TEKT4: variants seen among roughly 807,000 people sequenced by gnomAD.
TEKT4 encodes the protein tektin-4.
A neutral mutation model predicts 46.0 loss-of-function variants in TEKT4; 46 were observed. The ratio of observed to expected loss-of-function variants is 1.00; its 90% confidence interval spans 0.79 to 1.28. TEKT4 has a LOEUF of 1.28. Among genes scored for constraint, TEKT4 ranks in the 50% most tolerant of loss-of-function variants. The probability of loss-of-function intolerance (pLI) is 0.00; values close to 1 mark genes in which losing one functional copy is unlikely to be tolerated. For synonymous variants in TEKT4, 325 were observed against 265.8 expected, an observed-to-expected ratio of 1.22 and a Z score of -2.17; for missense variants, 790 against 622.9, an observed-to-expected ratio of 1.27 and a Z score of -2.85.
In TEKT4 at chr2:94,874,150, C is replaced by A. The variant is rs1680715484; in HGVS notation, c.713+42C>A. On this transcript the variant is annotated intron_variant, in intron 3 of 5. Transcript: ENST00000295201. ...CCCCTGCACTTGCCCTGGCTGTGGT[C>A]TCGCCTCCCTCTGCCTGGGGGCCCC... 3 of 1,594,884 alleles carry A rather than the reference C, an allele frequency of 1.9e-6. No individual in the cohort carries two copies. In the South Asian group the frequency reaches 3.3e-5, roughly 18 times the overall value.
chr2:94,876,439 G>C, intron 5 of TEKT4, 114 bp from the exon 6 acceptor site: 1 of 840,020 alleles, frequency 1.2e-6, no homozygotes, highest in South Asian at 1.7e-5. Flanking sequence ...CTTTCATGGA[G>C]TCTTCCCAGG....
At position 94,871,603 on chromosome 2, in the gene TEKT4, C is replaced by A. The variant is rs781808387; in HGVS notation, c.24C>A (p.Cys8Ter). The A allele has an allele frequency of 6.2e-7, 1 of 1,609,352 alleles. No homozygotes were observed. Among genetic ancestry groups the A allele is most frequent in the Non-Finnish European group, 8.5e-7 (1 of 1,178,322 alleles). The change falls in exon 1 of 6, where the codon TGC becomes TGA. Residue 8 changes from cysteine to a stop codon, truncating the protein, a stop_gained. Transcript: ENST00000295201. LOFTEE classifies it high-confidence loss of function. ...CCATGGCGCAGACAGTGCCGCCCTG[C>A]GAGCTGCCCTGCAAAGAGTACGACG... MAQTVPP[C>*]ELPCKEYDVA... is the part of the protein sequence containing the mutation.
In TEKT4 at chr2:94,871,880, TG is replaced by T; in HGVS notation, c.303del (p.Trp101Ter). The T allele has an allele frequency of 6.3e-7, 1 of 1,598,074 alleles. No individual in the cohort carries two copies. Among genetic ancestry groups the T allele is most frequent in the East Asian group, 2.2e-5 (1 of 44,560 alleles). ...CGAGCGACTGCAGGACACGCACAGC[TG>T]GAAGTCGGAGCTGCAGCGTGAGATG... Reference protein sequence around the residue: ...VGERLQDTHSWKSELQREMEA... With the variant: ...VGERLQDTHSXKSELQREMEA... On this transcript the variant is annotated frameshift_variant, in exon 1 of 6. Transcript: ENST00000295201. LOFTEE classifies it high-confidence loss of function.
At position 94,874,101 on chromosome 2, in the gene TEKT4, C is replaced by G. The variant is rs781842707; in HGVS notation, c.706C>G (p.Gln236Glu). Residue 236 changes from glutamine to glutamate, a missense_variant, in exon 3 of 6, where the codon CAA becomes GAA. By Grantham distance (29) the Gln-to-Glu change is conservative (BLOSUM62 2). Coordinates refer to ENST00000295201, the MANE Select transcript of TEKT4 (RefSeq NM_144705.4). Reference sequence around the variant, plus strand: ...GGCTCATCCGTACTCCACCACCTTCCAAGAGAGGTGGGCCCCAGCTCTGCC... The same window carrying G: ...GGCTCATCCGTACTCCACCACCTTCGAAGAGAGGTGGGCCCCAGCTCTGCC... ...VQAHPYSTTF[Q>E]ESASTPETRA... The G allele has an allele frequency of 1.2e-6, 2 of 1,613,452 alleles. No homozygotes were observed. Among genetic ancestry groups the G allele is most frequent in the Non-Finnish European group, 1.7e-6 (2 of 1,179,880 alleles).
chr2:94,871,809 A>G lies in TEKT4; in HGVS notation c.230A>G (p.Gln77Arg), dbSNP rs2104094823. 1 of 1,609,360 alleles carries G rather than the reference A, an allele frequency of 6.2e-7. No homozygotes were observed. The highest frequency in any genetic ancestry group is 8.5e-7 in the Non-Finnish European group (1 of 1,177,898). ...HESQQLATETQALAQRTQQDS... is the reference protein window; with the variant it reads ...HESQQLATETRALAQRTQQDS... ...AGCCAGCAGCTGGCCACAGAGACCC[A>G]GGCGCTGGCGCAGCGCACGCAGCAA... Residue 77 changes from glutamine to arginine, a missense_variant, in exon 1 of 6, where the codon CAG (glutamine) becomes CGG (arginine). Physicochemically the swap from Gln to Arg is conservative, Grantham distance 43. Coordinates refer to ENST00000295201, the MANE Select transcript of TEKT4 (RefSeq NM_144705.4).
At chr2:94,875,023 C>T (rs782305183) in intron 4 of TEKT4, 25 bp downstream of exon 4, 14 of 1,560,866 alleles carry the variant, frequency 9.0e-6, no homozygotes, top group South Asian at 6.0e-5. Flanking sequence ...ACCCCGAAGA[C>T]GGCCCCCTCT....
intron 1 of TEKT4, chr2:94,873,209 G>A (rs1280977822): frequency 1.4e-5 from 18 of 1,266,434 alleles, no homozygotes; most frequent in East Asian, 4.3e-5. Flanking sequence ...GCAGGCCAAC[G>A]TTCCCAGGTG....
At chr2:94,874,261 G>A (rs782789534) in intron 3 of TEKT4, among the ~76,000 whole-genome samples, 153 bp downstream of exon 3, 4 of 152,194 alleles carry the variant, frequency 2.6e-5, no homozygotes, top group South Asian at 4.1e-4. Context: ...ATGAGCAAGC[G>A]ACCAAGACCT....
At position 94,873,585 on chromosome 2, in the gene TEKT4, G is replaced by A; in HGVS notation, c.564G>A (p.Gln188=). ...GAACCATCATGCAAGCAGTGAGCCA[G>A]ATCCGGTGGGTAGAGGGCTGCCCAA... ...LKRTIMQAVS[Q]IRLNREHKET... Residue 188 remains glutamine (Q), a synonymous_variant, in exon 2 of 6, where the codon CAG becomes CAA. Coordinates refer to ENST00000295201, the MANE Select transcript of TEKT4 (RefSeq NM_144705.4). 6.2e-7 allele frequency: 1 copy of A among 1,613,494 alleles called. No homozygotes were observed. The highest frequency in any genetic ancestry group is 8.5e-7 in the Non-Finnish European group (1 of 1,179,994).
intron 1 of TEKT4, chr2:94,872,772 C>T: frequency 8.0e-7 from 1 of 1,256,542 alleles, no homozygotes; most frequent in Non-Finnish European, 1.0e-6. Flanking sequence ...TTGAGTCCCT[C>T]CCTCCCCTCA....
intron 2 of TEKT4, among the ~76,000 whole-genome samples, 167 bp from the exon 3 acceptor site, chr2:94,873,798 A>G (rs1353689557): frequency 6.6e-6 from 1 of 152,146 alleles, no homozygotes; most frequent in African/African-American, 2.4e-5. Context: ...GCAGCCTCCC[A>G]GCCTGGGCCG....
At position 94,876,565 on chromosome 2, in the gene TEKT4, G is replaced by A. The variant is rs1553396642; in HGVS notation, c.1104G>A (p.Glu368=). 6.2e-7 allele frequency: 1 copy of A among 1,608,058 alleles called. No homozygotes were observed. Among genetic ancestry groups the A allele is most frequent in the Non-Finnish European group, 8.5e-7 (1 of 1,178,204 alleles). Residue 368 remains glutamate (E), a synonymous_variant, in exon 6 of 6, where the codon GAG becomes GAA. Transcript: ENST00000295201. ...RDAAQFRLLS[E]VEELNMSLTA... is the part of the protein sequence containing the mutation. ...CCAACACCCCCAGGCTGTTGAGTGA[G>A]GTGGAGGAGCTGAACATGTCCCTCA...
chr2:94,874,462 G>A (rs1466913834), intron 3 of TEKT4, among the ~76,000 whole-genome samples: 2 of 151,890 alleles, frequency 1.3e-5, no homozygotes, highest in Non-Finnish European at 2.9e-5. Context: ...CTAGGGAAGG[G>A]GGGCTGCGGG....
At chr2:94,873,108 G>C (rs541216895) in intron 1 of TEKT4, 2 of 1,241,064 alleles carry the variant, frequency 1.6e-6, no homozygotes, top group Admixed American at 5.4e-5. Flanking sequence ...TGTGAAGATG[G>C]CCTTTCCCAG....
In TEKT4 at chr2:94,871,528, G is replaced by T; in HGVS notation, c.-52G>T. 6.6e-7 allele frequency: 1 copy of T among 1,510,208 alleles called. No homozygotes were observed. The allele number at this position is 1,510,208 out of a possible 1,614,324, so 93.6% of individuals were successfully genotyped here. A position where few individuals can be genotyped will look rare whatever the true frequency, so the allele number is the denominator to read the frequency against. ...TGACCGCACTAGGCTGACCGCAACC[G>T]GCTGACCACACACAGTCCTCACTCC... is the stretch of plus-strand genomic sequence containing the variant. On this transcript the variant is annotated 5_prime_UTR_variant, in exon 1 of 6. Coordinates refer to ENST00000295201, the MANE Select transcript of TEKT4 (RefSeq NM_144705.4).
At chr2:94,876,422 TG>T (rs1680856581) in intron 5 of TEKT4, 130 bp from the exon 6 acceptor site, 1 of 721,604 alleles carries the variant, frequency 1.4e-6, no homozygotes, top group East Asian at 2.7e-5. Context: ...GCTTTCCTGA[TG>T]GGGTTCTTTC....
In TEKT4 at chr2:94,873,525, C is replaced by T. The variant is rs201473204; in HGVS notation, c.504C>T (p.Ala168=). The part of the protein sequence containing the change: ...DHVETELLKE[A]ELIRNIQELL... ...CAGGGCGTCTCCTCCCTCAGGAAGC[C>T]GAGCTCATCCGGAACATTCAGGAGC... The change falls in exon 2 of 6, where the codon GCC becomes GCT. Residue 168 remains alanine (A), a synonymous_variant. Coordinates refer to ENST00000295201, the MANE Select transcript of TEKT4 (RefSeq NM_144705.4). 43 of 1,612,138 alleles carry T rather than the reference C, an allele frequency of 2.7e-5. No individual in the cohort carries two copies. The highest frequency in any genetic ancestry group is 3.3e-5 in the Admixed American group (2 of 60,002).
At chr2:94,872,190 C>A in intron 1 of TEKT4, 113 bp downstream of exon 1, 2 of 1,366,382 alleles carry the variant, frequency 1.5e-6, no homozygotes, top group Non-Finnish European at 1.9e-6. Flanking sequence ...GGAGCCCAGC[C>A]CTCTGCACGT....
chr2:94,871,844 C>T lies in TEKT4; in HGVS notation c.265C>T (p.Arg89Cys), dbSNP rs782561897. ...GCAGCGCACGCAGCAAGACTCCACG[C>T]GCACAGTGGGCGAGCGACTGCAGGA... Reference protein sequence around the residue: ...LAQRTQQDSTRTVGERLQDTH... With the variant: ...LAQRTQQDSTCTVGERLQDTH... Residue 89 changes from arginine to cysteine, a missense_variant, in exon 1 of 6, where the codon CGC becomes TGC. Transcript: ENST00000295201. 9.3e-6 allele frequency: 15 copies of T among 1,606,546 alleles called. No homozygotes were observed. The highest frequency in any genetic ancestry group is 2.2e-5 in the South Asian group (2 of 90,784).
Sources: gnomAD v4.1 joint callset for allele counts (sites outside exome capture counted in the v4.1 genomes callset) on GRCh38, gnomAD v4.1.1 for gene constraint, MANE v1.5 for transcripts, NCBI Gene and HGNC (gene_info 2026-07-23, HGNC 2026-07-21) for gene names.